Variants in PTPN9 observed in about 807,000 individuals in gnomAD.
PTPN9 encodes tyrosine-protein phosphatase non-receptor type 9.
In PTPN9, 26 loss-of-function variants were observed where a neutral mutation model predicts 69.8. The ratio of observed to expected loss-of-function variants is 0.37; its 90% CI spans 0.27 to 0.52. PTPN9 has a LOEUF of 0.52. Ranked by LOEUF, PTPN9 falls within the 20% of genes least tolerant of loss-of-function variation. PTPN9 has a pLI of 0.91. For missense variants in PTPN9, 549 were observed against 740.3 expected (o/e 0.74, Z 3.00); for synonymous variants, 274 against 272.5 (o/e 1.01, Z -0.05).
intron 1 of PTPN9, among the ~76,000 whole-genome samples, chr15:75,550,926 A>T (rs1357081914): frequency 6.6e-6 from 1 of 152,186 alleles, no homozygotes; most frequent in Non-Finnish European, 1.5e-5. Context: ...GATTACAGGC[A>T]TGAGTCAATG....
At chr15:75,517,402 A>G (rs1403881658) in intron 4 of PTPN9, 38 bp from the exon 5 acceptor site, 6 of 1,544,450 alleles carry the variant, frequency 3.9e-6, no homozygotes, top group Non-Finnish European at 5.4e-6. Flanking sequence ...TTTGTAAGTA[A>G]GCAGATGGAT....
chr15:75,494,590 T>A (rs2141302022), intron 7 of PTPN9, among the ~76,000 whole-genome samples: 2 of 151,900 alleles, frequency 1.3e-5, no homozygotes, highest in Middle Eastern at 6.8e-3. Context: ...TCACCTCAGG[T>A]GATCTGCCCT....
chr15:75,522,263 T>C (rs935538620), intron 4 of PTPN9, among the ~76,000 whole-genome samples: 1 of 152,064 alleles, frequency 6.6e-6, no homozygotes, highest in Admixed American at 6.6e-5. Context: ...AGGAAGAGAG[T>C]GATGACCTGA....
chr15:75,575,792 G>A (rs939409163), intron 1 of PTPN9, among the ~76,000 whole-genome samples: 12 of 151,064 alleles, frequency 7.9e-5, no homozygotes, highest in Non-Finnish European at 1.5e-4. Context: ...GGTGGCGGGC[G>A]CCTGTAGTCC....
At chr15:75,574,849 A>C (rs1198246835) in intron 1 of PTPN9, among the ~76,000 whole-genome samples, 1 of 150,396 alleles carries the variant, frequency 6.6e-6, no homozygotes, top group Non-Finnish European at 1.5e-5. Flanking sequence ...GGCTGAAGCA[A>C]GAGAATTGCT....
chr15:75,466,347 G>A lies in PTPN9; in HGVS notation c.*2422C>T, dbSNP rs1567456881. On this transcript the variant is annotated 3_prime_UTR_variant, in exon 13 of 13. Coordinates refer to ENST00000618819, the MANE Select transcript of PTPN9 (RefSeq NM_002833.4). ...TTTCCCAGCCACAACTGCCCCAACT[G>A]GGCAGGCCATCAACAGCCAACAGGT... The A allele has an allele frequency of 1.3e-5, 2 of 152,200 alleles. No individual in the cohort carries two copies. The highest frequency in any genetic ancestry group is 2.9e-5 in the Non-Finnish European group (2 of 68,062). The allele number at this position is 152,200 out of a possible 1,614,324, so 9.4% of individuals were successfully genotyped here.
At position 75,505,691 on chromosome 15, in the gene PTPN9, T is replaced by C; in HGVS notation, c.952A>G (p.Thr318Ala). The C allele has an allele frequency of 6.2e-7, 1 of 1,613,774 alleles. No individual in the cohort carries two copies. Among genetic ancestry groups the C allele is most frequent in the Non-Finnish European group, 8.5e-7 (1 of 1,179,862 alleles). ...TCTACTTACATGGAACAGTGGAAAG[T>C]GCCAACAGGGTTCTCACGACGAATG... ...EDIRRENPVG[T>A]FHCSMSPGNL... Residue 318 changes from threonine to alanine, a missense_variant, in exon 7 of 13, where the codon ACT becomes GCT. Thr to Ala is a moderately conservative substitution (Grantham distance 58). Transcript: ENST00000618819.
intron 1 of PTPN9, among the ~76,000 whole-genome samples, chr15:75,545,989 G>T (rs925673998): frequency 6.6e-6 from 1 of 152,112 alleles, no homozygotes; most frequent in African/African-American, 2.4e-5. Context: ...TGTAAAATAA[G>T]TAAGACATGG....
chr15:75,563,282 G>A (rs536231263), intron 1 of PTPN9, among the ~76,000 whole-genome samples: 2 of 152,114 alleles, frequency 1.3e-5, no homozygotes, highest in Admixed American at 6.5e-5. Context: ...TCTGCCTCCC[G>A]GGTTCAAGCA....
At chr15:75,558,869 C>T (rs1433109735) in intron 1 of PTPN9, among the ~76,000 whole-genome samples, 1 of 152,120 alleles carries the variant, frequency 6.6e-6, no homozygotes, top group African/African-American at 2.4e-5. Flanking sequence ...GGCGTGATCT[C>T]GGCTCGCTAC....
At chr15:75,496,385 T>A (rs959236073) in intron 7 of PTPN9, among the ~76,000 whole-genome samples, 9 of 152,064 alleles carry the variant, frequency 5.9e-5, no homozygotes, top group Non-Finnish European at 1.3e-4. Context: ...CAATGACGAT[T>A]CAATTTAAGA....
At position 75,501,076 on chromosome 15, in the gene PTPN9, T is replaced by C. The variant is rs539598221; in HGVS notation, c.968+4599A>G. Reference sequence around the variant, plus strand: ...ATTTTCCTTTGCATTCTTGATCTGATTGACTTCTTTCTCAAGTGCCTCTTA... The same window carrying C: ...ATTTTCCTTTGCATTCTTGATCTGACTGACTTCTTTCTCAAGTGCCTCTTA... On this transcript the variant is annotated intron_variant, in intron 7 of 12. Coordinates refer to ENST00000618819, the MANE Select transcript of PTPN9 (RefSeq NM_002833.4). Among the ~76,000 whole-genome samples, 3 of 152,280 alleles carry C rather than the reference T, an allele frequency of 2.0e-5. No individual in the cohort carries two copies. The East Asian group carries it at 5.8e-4, about 29-fold the overall frequency.
intron 7 of PTPN9, among the ~76,000 whole-genome samples, chr15:75,494,678 T>G (rs1415835263): frequency 1.3e-5 from 2 of 152,026 alleles, no homozygotes; most frequent in Non-Finnish European, 2.9e-5. Flanking sequence ...AAATGATCTA[T>G]TGTTTTTCTT....
chr15:75,503,323 T>A (rs28731305), intron 7 of PTPN9, among the ~76,000 whole-genome samples: 1 of 133,540 alleles, frequency 7.5e-6, no homozygotes, highest in African/African-American at 3.0e-5. Context: ...CTCTGCCCGG[T>A]CGCGACCCCG....
intron 7 of PTPN9, among the ~76,000 whole-genome samples, chr15:75,504,530 G>T (rs1274373857): frequency 7.3e-6 from 1 of 137,394 alleles, no homozygotes; most frequent in Non-Finnish European, 1.6e-5. Flanking sequence ...TCAGCCCCCC[G>T]CCCAGCCAGC....
At chr15:75,543,584 A>G (rs1302128621) in intron 1 of PTPN9, among the ~76,000 whole-genome samples, 1 of 152,200 alleles carries the variant, frequency 6.6e-6, no homozygotes, top group Non-Finnish European at 1.5e-5. Flanking sequence ...TATGCACAAA[A>G]TTACTCTGGA....
intron 6 of PTPN9, among the ~76,000 whole-genome samples, chr15:75,508,023 C>A (rs1429015853): frequency 8.6e-6 from 1 of 116,324 alleles, no homozygotes; most frequent in African/African-American, 3.4e-5. Flanking sequence ...GCCTAGGCAA[C>A]AGAGTGAGAC....
chr15:75,570,865 C>T (rs186010066), intron 1 of PTPN9, among the ~76,000 whole-genome samples: 1 of 152,158 alleles, frequency 6.6e-6, no homozygotes, highest in Admixed American at 6.5e-5. Flanking sequence ...TTCTGGAATT[C>T]ATAAGAACCT....
At chr15:75,552,216 T>C (rs1014417564) in intron 1 of PTPN9, among the ~76,000 whole-genome samples, 4 of 149,284 alleles carry the variant, frequency 2.7e-5, no homozygotes, top group African/African-American at 9.9e-5. Flanking sequence ...CTGACCAACA[T>C]AGAGAAACCC....
Sources: allele counts gnomAD v4.1 joint callset (sites outside exome capture counted in the v4.1 genomes callset), GRCh38; gene constraint gnomAD v4.1.1; transcripts MANE v1.5; gene names NCBI Gene and HGNC (gene_info 2026-07-23, HGNC 2026-07-21).